HHAT: variants seen among roughly 807,000 people sequenced by gnomAD.
HHAT encodes the protein protein-cysteine N-palmitoyltransferase HHAT.
Under a neutral mutation model 70.8 loss-of-function variants are expected in HHAT, and 47 were observed. The observed-to-expected ratio is 0.66, with a 90% confidence interval of 0.53 to 0.85. The LOEUF (loss-of-function observed/expected upper bound fraction) is 0.85, where lower values mean the gene tolerates loss of function less well. Ranked by LOEUF, HHAT falls within the 40% of genes least tolerant of loss-of-function variation. The probability of loss-of-function intolerance (pLI) is 0.00; values close to 1 mark genes in which losing one functional copy is unlikely to be tolerated. For synonymous variants in HHAT, 228 were observed against 247.6 expected, an observed-to-expected ratio of 0.92 and a Z score of 0.74; for missense variants, 609 against 604.8, an observed-to-expected ratio of 1.01 and a Z score of -0.07.
chr1:210,520,101 T>C (rs10863840), intron 9 of HHAT, among the ~76,000 whole-genome samples: 97,293 of 151,834 alleles, frequency 0.64, 33,087 homozygotes, highest in Non-Finnish European at 0.77. Flanking sequence ...CTGTAACCTC[T>C]GCCTCCTGGA....
intron 7 of HHAT, among the ~76,000 whole-genome samples, chr1:210,460,933 T>C (rs944051540): frequency 6.6e-6 from 1 of 152,210 alleles, no homozygotes; most frequent in African/African-American, 2.4e-5. Context: ...TGAATGAATG[T>C]CAAAAGAGTG....
At chr1:210,655,971 G>A (rs1200803758) in intron 11 of HHAT, among the ~76,000 whole-genome samples, 2 of 152,168 alleles carry the variant, frequency 1.3e-5, no homozygotes, top group Admixed American at 1.3e-4. Flanking sequence ...TCTCTCGGAG[G>A]CAGATATCTG....
At chr1:210,477,905 T>C (rs186439538) in intron 8 of HHAT, among the ~76,000 whole-genome samples, 4 of 152,312 alleles carry the variant, frequency 2.6e-5, no homozygotes, top group African/African-American at 9.6e-5. Context: ...CACATTGTCA[T>C]CATAATGTAA....
At chr1:210,391,272 AC>A (rs2091440645) in intron 4 of HHAT, among the ~76,000 whole-genome samples, 1 of 152,250 alleles carries the variant, frequency 6.6e-6, no homozygotes, top group Non-Finnish European at 1.5e-5. Flanking sequence ...TACTTATCTC[AC>A]AGTAATTTTC....
At chr1:210,612,442 A>G (rs1048788427) in intron 10 of HHAT, among the ~76,000 whole-genome samples, 5 of 152,162 alleles carry the variant, frequency 3.3e-5, no homozygotes, top group African/African-American at 1.2e-4. Flanking sequence ...CACTTAGCAT[A>G]ATGTCTTCAG....
At chr1:210,367,964 C>T (rs546748091) in intron 3 of HHAT, among the ~76,000 whole-genome samples, 1 of 145,170 alleles carries the variant, frequency 6.9e-6, no homozygotes, top group Non-Finnish European at 1.5e-5. Context: ...GGGGTGAACC[C>T]AGCCTTGCTG....
At chr1:210,448,854 C>T (rs1394818556) in intron 7 of HHAT, among the ~76,000 whole-genome samples, 1 of 152,174 alleles carries the variant, frequency 6.6e-6, no homozygotes, top group Non-Finnish European at 1.5e-5. Context: ...GTGGACCTGA[C>T]TCTCTATTCC....
At chr1:210,644,135 A>G (rs1282593186) in intron 11 of HHAT, among the ~76,000 whole-genome samples, 1 of 152,214 alleles carries the variant, frequency 6.6e-6, no homozygotes, top group Non-Finnish European at 1.5e-5. Flanking sequence ...TTTGGAAAAG[A>G]CACTGAGGTC....
At chr1:210,451,377 G>A (rs1048869542) in intron 7 of HHAT, among the ~76,000 whole-genome samples, 2 of 152,176 alleles carry the variant, frequency 1.3e-5, no homozygotes, top group African/African-American at 4.8e-5. Flanking sequence ...ACTCAGTGAT[G>A]AATGTCAGAA....
At chr1:210,419,342 G>A (rs1001937033) in intron 7 of HHAT, among the ~76,000 whole-genome samples, 1 of 152,188 alleles carries the variant, frequency 6.6e-6, no homozygotes, top group Admixed American at 6.5e-5. Context: ...TACTTCCTCA[G>A]CAGGGCTAGT....
chr1:210,599,049 A>G (rs911954825), intron 10 of HHAT, among the ~76,000 whole-genome samples: 1 of 152,180 alleles, frequency 6.6e-6, no homozygotes, highest in African/African-American at 2.4e-5. Context: ...AGTGCTGTAA[A>G]TAGGAAGCCC....
chr1:210,515,752 C>G (rs1477831152), intron 9 of HHAT, among the ~76,000 whole-genome samples: 1 of 101,614 alleles, frequency 9.8e-6, no homozygotes, highest in Non-Finnish European at 1.9e-5. Flanking sequence ...AGCGAGACTC[C>G]GTCTCAAAAA....
intron 8 of HHAT, among the ~76,000 whole-genome samples, chr1:210,471,616 C>T (rs2094206019): frequency 6.6e-6 from 1 of 152,066 alleles, no homozygotes; most frequent in Non-Finnish European, 1.5e-5. Flanking sequence ...AACACATCCT[C>T]AGAATAGCCC....
chr1:210,514,220 C>T (rs1233839752), intron 9 of HHAT, among the ~76,000 whole-genome samples: 1 of 152,174 alleles, frequency 6.6e-6, no homozygotes, highest in African/African-American at 2.4e-5. Flanking sequence ...ACCTCTTTTC[C>T]AAGGCTCATC....
intron 11 of HHAT, among the ~76,000 whole-genome samples, chr1:210,649,714 G>C (rs545769607): frequency 6.6e-6 from 1 of 152,338 alleles, no homozygotes. Flanking sequence ...CGGGTAATGG[G>C]AAAGCAGAAT....
intron 9 of HHAT, among the ~76,000 whole-genome samples, chr1:210,521,904 C>T (rs1305362635): frequency 6.6e-6 from 1 of 152,170 alleles, no homozygotes; most frequent in East Asian, 1.9e-4. Context: ...TAATTAGCAT[C>T]TGTATTCAGT....
chr1:210,400,767 T>C (rs1558440202), intron 5 of HHAT, 105 bp downstream of exon 5: 4 of 1,039,262 alleles, frequency 3.8e-6, no homozygotes, highest in Non-Finnish European at 5.6e-6. Context: ...ATTGTAGAAC[T>C]GTGATGGGGC....
intron 3 of HHAT, among the ~76,000 whole-genome samples, chr1:210,370,765 C>T (rs908081245): frequency 3.3e-5 from 5 of 151,888 alleles, no homozygotes; most frequent in Non-Finnish European, 4.4e-5. Context: ...CAGGCATGTG[C>T]CACCATGCCC....
chr1:210,450,139 A>G (rs2093720013), intron 7 of HHAT, among the ~76,000 whole-genome samples: 1 of 151,956 alleles, frequency 6.6e-6, no homozygotes, highest in Non-Finnish European at 1.5e-5. Flanking sequence ...AAAACTACAA[A>G]AATTAGCGGG....
Sources: allele counts gnomAD v4.1 joint callset (sites outside exome capture counted in the v4.1 genomes callset), GRCh38; gene constraint gnomAD v4.1.1; transcripts MANE v1.5; gene names NCBI Gene and HGNC (gene_info 2026-07-23, HGNC 2026-07-21).